The following OPCML variants were observed in gnomAD, a reference collection of about 807,000 sequenced individuals.
OPCML encodes the protein opioid-binding protein/cell adhesion molecule.
In OPCML, 13 loss-of-function variants were observed where a neutral mutation model predicts 37.8. The observed-to-expected ratio is 0.34, with a 90% CI of 0.22 to 0.55. The LOEUF (loss-of-function observed/expected upper bound fraction) is 0.55, where lower values mean the gene tolerates loss of function less well. Ranked by LOEUF, OPCML falls within the 20% of genes least tolerant of loss-of-function variation. The pLI is 0.91. For synonymous variants in OPCML, 176 were observed against 168.8 expected (o/e 1.04, Z -0.33); for missense variants, 341 against 435.6 (o/e 0.78, Z 1.93).
At chr11:133,077,133 G>A (rs748517577) in intron 1 of OPCML, among the ~76,000 whole-genome samples, 10 of 152,020 alleles carry the variant, frequency 6.6e-5, no homozygotes, top group Non-Finnish European at 1.3e-4. Flanking sequence ...CAGATGAGGT[G>A]GACTTCTGAG....
chr11:133,178,348 T>A (rs1019608026), intron 1 of OPCML, among the ~76,000 whole-genome samples: 3 of 152,122 alleles, frequency 2.0e-5, no homozygotes, highest in East Asian at 1.9e-4. Flanking sequence ...ACAGGCTCCC[T>A]ACTCTGGGGG....
intron 4 of OPCML, among the ~76,000 whole-genome samples, chr11:132,504,776 A>G (rs28605334): frequency 0.19 from 28,599 of 151,682 alleles, 2,804 homozygotes; most frequent in Non-Finnish European, 0.2. Context: ...GGGAGCCACG[A>G]GCTATTGTGT....
intron 3 of OPCML, among the ~76,000 whole-genome samples, chr11:132,542,149 T>C (rs775267743): frequency 4.6e-5 from 7 of 152,160 alleles, no homozygotes; most frequent in Admixed American, 6.5e-5. Flanking sequence ...TTCTCACCAA[T>C]GGTCCCTGAT....
intron 1 of OPCML, among the ~76,000 whole-genome samples, chr11:132,985,397 TAGTA>T (rs1201847987): frequency 1.3e-5 from 2 of 152,176 alleles, no homozygotes; most frequent in Non-Finnish European, 2.9e-5. Context: ...TACTGGTTGT[TAGTA>T]AGTCACCTTT....
At chr11:132,549,162 A>G (rs1224146773) in intron 3 of OPCML, among the ~76,000 whole-genome samples, 3 of 152,186 alleles carry the variant, frequency 2.0e-5, no homozygotes, top group African/African-American at 7.2e-5. Context: ...AAAACTCACC[A>G]AAACCAAGAT....
At chr11:133,465,089 C>G (rs1181065964) in intron 1 of OPCML, among the ~76,000 whole-genome samples, 1 of 152,160 alleles carries the variant, frequency 6.6e-6, no homozygotes, top group Non-Finnish European at 1.5e-5. Context: ...TTTTATGGTT[C>G]AGGAGAACAG....
At chr11:133,495,057 T>C (rs533841772) in intron 1 of OPCML, among the ~76,000 whole-genome samples, 3 of 151,970 alleles carry the variant, frequency 2.0e-5, no homozygotes, top group African/African-American at 7.2e-5. Flanking sequence ...CCTTGCCCCC[T>C]GCCACTCTTT....
chr11:132,580,149 CTG>C (rs1245993521), intron 3 of OPCML, among the ~76,000 whole-genome samples: 2 of 152,160 alleles, frequency 1.3e-5, no homozygotes, highest in Non-Finnish European at 2.9e-5. Context: ...CTTTCTAACG[CTG>C]TGTTTTCCCT....
chr11:132,992,236 C>A (rs1227082873), intron 1 of OPCML, among the ~76,000 whole-genome samples: 2 of 152,070 alleles, frequency 1.3e-5, no homozygotes, highest in Non-Finnish European at 2.9e-5. Context: ...TAGGCAACTG[C>A]TTCTGTACCT....
chr11:133,040,085 C>T (rs575885337), intron 1 of OPCML, among the ~76,000 whole-genome samples: 4 of 151,926 alleles, frequency 2.6e-5, no homozygotes. Context: ...TCCTCACCTC[C>T]TCAGCAACCA....
Position 132,420,018 on chromosome 11 carries a change from CTCATT to C in OPCML, c.*170_*174del. On this transcript the variant is annotated 3_prime_UTR_variant, in exon 8 of 8. Coordinates refer to ENST00000524381, the MANE Select transcript of OPCML (RefSeq NM_001012393.5). ...CCTGCCCACCCCGCCCCCAACCCCA[CTCATT>C]CAAGCTGGAAATAAAAGCAAACAAA... 2.3e-6 allele frequency: 1 copy of C among 425,968 alleles called. No homozygotes were observed. The highest frequency in any genetic ancestry group is 4.3e-6 in the Non-Finnish European group (1 of 231,208). 26.4% of individuals were successfully genotyped at this position (425,968 alleles called of 1,614,324 possible).
intron 1 of OPCML, among the ~76,000 whole-genome samples, chr11:133,127,015 A>G (rs939639003): frequency 1.3e-5 from 2 of 152,160 alleles, no homozygotes; most frequent in African/African-American, 2.4e-5. Flanking sequence ...GGCCAGCTCT[A>G]TTGACACTAC....
chr11:133,348,405 T>C (rs1421271126), intron 1 of OPCML, among the ~76,000 whole-genome samples: 3 of 152,172 alleles, frequency 2.0e-5, no homozygotes, highest in African/African-American at 7.2e-5. Flanking sequence ...ATAGGGGAGA[T>C]TGCTTTCCTG....
At chr11:132,903,548 A>G (rs979907676) in intron 2 of OPCML, among the ~76,000 whole-genome samples, 1 of 152,170 alleles carries the variant, frequency 6.6e-6, no homozygotes, top group Admixed American at 6.5e-5. Context: ...GACATGCCTC[A>G]TTATACCCTC....
intron 2 of OPCML, among the ~76,000 whole-genome samples, chr11:132,880,707 A>G (rs1428518626): frequency 6.6e-6 from 1 of 152,252 alleles, no homozygotes; most frequent in Non-Finnish European, 1.5e-5. Flanking sequence ...TAATTACTAG[A>G]GATTACTACC....
Position 132,462,639 on chromosome 11 carries a change from A to T in OPCML, c.506-25280T>A, listed in dbSNP as rs1274333688. ...GTTCCTCTGCCATAAGACATACAGA[A>T]ATGCAAGCTCAATTACATTGCATAA... On this transcript the variant is annotated intron_variant, in intron 4 of 7. Coordinates refer to ENST00000524381, the MANE Select transcript of OPCML (RefSeq NM_001012393.5). 2.0e-5 allele frequency among the ~76,000 whole-genome samples: 3 copies of T among 152,220 alleles called. No homozygotes were observed. The South Asian group carries it at 6.2e-4, about 31-fold the overall frequency.
intron 1 of OPCML, among the ~76,000 whole-genome samples, chr11:133,089,993 TC>T (rs1948879545): frequency 6.6e-6 from 1 of 152,150 alleles, no homozygotes; most frequent in Non-Finnish European, 1.5e-5. Context: ...ACACTAAATA[TC>T]AAAAATGTAC....
At chr11:132,530,703 C>A (rs1426447603) in intron 3 of OPCML, among the ~76,000 whole-genome samples, 1 of 151,906 alleles carries the variant, frequency 6.6e-6, no homozygotes, top group Admixed American at 6.6e-5. Flanking sequence ...AGCAAACAAA[C>A]CCTTCTGCAT....
At chr11:133,315,803 A>G (rs1163967584) in intron 1 of OPCML, among the ~76,000 whole-genome samples, 1 of 152,024 alleles carries the variant, frequency 6.6e-6, no homozygotes, top group Non-Finnish European at 1.5e-5. Context: ...CATCCCAGGG[A>G]AAAAAAAGAA....
Sources: allele counts gnomAD v4.1 joint callset (sites outside exome capture counted in the v4.1 genomes callset), GRCh38; gene constraint gnomAD v4.1.1; transcripts MANE v1.5; gene names NCBI Gene and HGNC (gene_info 2026-07-23, HGNC 2026-07-21).